CCKBR: variants seen among roughly 807,000 people sequenced by gnomAD.
The protein encoded by CCKBR is gastrin/cholecystokinin type B receptor.
In CCKBR, 33 loss-of-function variants were observed where a neutral mutation model predicts 34.6. The ratio of observed to expected loss-of-function variants is 0.95; its 90% CI spans 0.72 to 1.27. CCKBR has a LOEUF of 1.27. Ranked by LOEUF, CCKBR falls within the 50% of genes most tolerant of loss-of-function variation. CCKBR has a pLI of 0.00. For synonymous variants in CCKBR, 269 were observed against 267.5 expected (o/e 1.01, Z -0.06); for missense variants, 652 against 617.4 (o/e 1.06, Z -0.59).
intron 1 of CCKBR, 144 bp from the exon 2 acceptor site, chr11:6,269,525 A>G: frequency 1.1e-6 from 1 of 947,174 alleles, no homozygotes; most frequent in Non-Finnish European, 1.6e-6. Flanking sequence ...TAAAGGATTC[A>G]AGTTCACCAT....
chr11:6,265,496 G>T (rs1848196974), intron 1 of CCKBR, among the ~76,000 whole-genome samples: 1 of 146,100 alleles, frequency 6.8e-6, no homozygotes, highest in Non-Finnish European at 1.5e-5. Context: ...GTTGAAGAAA[G>T]ACATCCAGGG....
chr11:6,261,393 GTC>G (rs1396635014), intron 1 of CCKBR, among the ~76,000 whole-genome samples: 1 of 124,030 alleles, frequency 8.1e-6, no homozygotes, highest in Non-Finnish European at 1.6e-5. Context: ...GAGCTACAAA[GTC>G]AAAAAAATTA....
intron 1 of CCKBR, among the ~76,000 whole-genome samples, chr11:6,261,718 C>A (rs1202645191): frequency 1.3e-5 from 2 of 152,034 alleles, no homozygotes; most frequent in Admixed American, 6.6e-5. Context: ...TAGGCCTGAC[C>A]ATGGAACATG....
At chr11:6,260,138 A>C in intron 1 of CCKBR, 59 bp downstream of exon 1, 1 of 1,298,070 alleles carries the variant, frequency 7.7e-7, no homozygotes, top group Non-Finnish European at 1.0e-6. Context: ...CAGAACACTA[A>C]TAGAGTCCCC....
rs1221788949 is a variant in CCKBR at position 6,270,306 on chromosome 11, C to T, written c.622C>T (p.Arg208Cys). ...VGPRVLQCVHRWPSARVRQTW... is the reference protein window; with the variant it reads ...VGPRVLQCVHCWPSARVRQTW... ...GCCTCGTGTGCTGCAGTGCGTGCATCGCTGGCCCAGTGCGCGGGTCCGCCA... is the reference window on the plus strand; with the variant it reads ...GCCTCGTGTGCTGCAGTGCGTGCATTGCTGGCCCAGTGCGCGGGTCCGCCA... The change falls in exon 3 of 5, where the codon CGC becomes TGC. Residue 208 changes from arginine (R) to cysteine (C), a missense_variant. Arg to Cys is a radical substitution (Grantham distance 180). Coordinates refer to ENST00000334619, the MANE Select transcript of CCKBR (RefSeq NM_176875.4). 6.2e-7 allele frequency: 1 copy of T among 1,613,212 alleles called. No individual in the cohort carries two copies.
chr11:6,269,738 T>C lies in CCKBR; in HGVS notation c.221T>C (p.Leu74Pro), dbSNP rs1848263314. 15 of 1,614,150 alleles carry C rather than the reference T, an allele frequency of 9.3e-6. No homozygotes were observed. The highest frequency in any genetic ancestry group is 1.3e-5 in the Non-Finnish European group (15 of 1,180,014). Reference protein sequence around the residue: ...IFLMSVGGNMLIIVVLGLSRR... With the variant: ...IFLMSVGGNMPIIVVLGLSRR... The stretch of plus-strand genomic sequence containing the variant: ...CTGATGAGCGTTGGAGGAAATATGC[T>C]CATCATCGTGGTCCTGGGACTGAGC... Residue 74 changes from leucine (L) to proline (P), a missense_variant, in exon 2 of 5, where the codon CTC becomes CCC. Coordinates refer to ENST00000334619, the MANE Select transcript of CCKBR (RefSeq NM_176875.4).
At chr11:6,264,189 C>G (rs1848176776) in intron 1 of CCKBR, among the ~76,000 whole-genome samples, 1 of 152,214 alleles carries the variant, frequency 6.6e-6, no homozygotes, top group Admixed American at 6.5e-5. Context: ...CCTACACACC[C>G]TTGCATATTA....
At chr11:6,270,516 C>T in intron 3 of CCKBR, 130 bp from the exon 4 acceptor site, 6 of 1,349,386 alleles carry the variant, frequency 4.4e-6, no homozygotes, top group Non-Finnish European at 6.1e-6. Context: ...CCCTTCCCAG[C>T]GGCACCCCCA....
At chr11:6,260,116 C>T (rs759381236) in intron 1 of CCKBR, 37 bp downstream of exon 1, 1 of 1,524,830 alleles carries the variant, frequency 6.6e-7, no homozygotes, top group Non-Finnish European at 8.8e-7. Context: ...CAAGCTATTT[C>T]TCACTGTACC....
At position 6,270,693 on chromosome 11, in the gene CCKBR, T is replaced by C. The variant is rs202100770; in HGVS notation, c.701T>C (p.Met234Thr). 2.7e-5 allele frequency: 44 copies of C among 1,613,978 alleles called. No homozygotes were observed. In the East Asian group the frequency reaches 4.7e-4, roughly 17 times the overall value. ...TTGTTCTTCATCCCGGGTGTGGTTA[T>C]GGCCGTGGCCTACGGGCTTATCTCT... ...LLLFFIPGVV[M>T]AVAYGLISRE... The change falls in exon 4 of 5, where the codon ATG (methionine) becomes ACG (threonine). Residue 234 changes from methionine (M) to threonine (T), a missense_variant. Transcript: ENST00000334619.
intron 3 of CCKBR, 37 bp from the exon 4 acceptor site, chr11:6,270,609 G>C: frequency 6.4e-7 from 1 of 1,560,406 alleles, no homozygotes; most frequent in Non-Finnish European, 8.7e-7. Context: ...ATTACAGCTG[G>C]ACAGAAACCC....
At chr11:6,264,346 G>A (rs998646616) in intron 1 of CCKBR, 10 of 571,028 alleles carry the variant, frequency 1.8e-5, no homozygotes, top group Non-Finnish European at 2.5e-5. Flanking sequence ...AAACCTGCCA[G>A]TAGAATGCAG....
Position 6,271,435 on chromosome 11 carries a change from T to C in CCKBR, c.1236T>C (p.Pro412=), listed in dbSNP as rs199586552. ...CTTGCGCTCGCTGCTGCCCCCGGCC[T>C]CCACGAGCTCGCCCCAGGGCTCTTC... The part of the protein sequence containing the change: ...LETCARCCPR[P]PRARPRALPD... Residue 412 remains proline, a synonymous_variant, in exon 5 of 5, where the codon CCT becomes CCC. Coordinates refer to ENST00000334619, the MANE Select transcript of CCKBR (RefSeq NM_176875.4). 105 of 1,613,524 alleles carry C rather than the reference T, an allele frequency of 6.5e-5. No homozygotes were observed. Among genetic ancestry groups the C allele is most frequent in the Admixed American group, 8.3e-5 (5 of 60,012 alleles).
rs199692838 is a variant in CCKBR at position 6,270,802 on chromosome 11, A to G, written c.810A>G (p.Pro270=). ...GGGTCCGAAACCAAGGCGGGCTGCC[A>G]GGTGGGGCTGGACCACGTGAGCAAA... The part of the protein sequence containing the change: ...QSRVRNQGGL[P]GAVHQNGRCR... Residue 270 remains proline, a splice_region_variant and synonymous_variant, in exon 4 of 5, where the codon CCA becomes CCG. Transcript: ENST00000334619. The G allele has an allele frequency of 1.2e-5, 19 of 1,614,138 alleles. No individual in the cohort carries two copies. Among genetic ancestry groups the G allele is most frequent in the Non-Finnish European group, 1.4e-5 (17 of 1,180,012 alleles).
In CCKBR at chr11:6,271,220, C is replaced by G. The variant is rs75576436; in HGVS notation, c.1021C>G (p.Leu341Val). 9 of 1,614,066 alleles carry G rather than the reference C, an allele frequency of 5.6e-6. No homozygotes were observed. The highest frequency in any genetic ancestry group is 7.6e-6 in the Non-Finnish European group (9 of 1,179,978). ...GCGAATGTTGCTGGTGATCGTTGTG[C>G]TTTTTTTTCTGTGTTGGTTGCCAGT... ...VVRMLLVIVV[L>V]FFLCWLPVYS... is the part of the protein sequence containing the mutation. Residue 341 changes from leucine to valine, a missense_variant, in exon 5 of 5, where the codon CTT becomes GTT. By Grantham distance (32) the Leu-to-Val change is conservative (BLOSUM62 1). Coordinates refer to ENST00000334619, the MANE Select transcript of CCKBR (RefSeq NM_176875.4).
In CCKBR at chr11:6,269,721, C is replaced by T. The variant is rs370954149; in HGVS notation, c.204C>T (p.Ser68=). 1.2e-6 allele frequency: 2 copies of T among 1,614,024 alleles called. No homozygotes were observed. Among genetic ancestry groups the T allele is most frequent in the Non-Finnish European group, 8.5e-7 (1 of 1,179,974 alleles). Residue 68 remains serine (S), a synonymous_variant, in exon 2 of 5, where the codon AGC becomes AGT. Coordinates refer to ENST00000334619, the MANE Select transcript of CCKBR (RefSeq NM_176875.4). The part of the protein sequence containing the change: ...ITLYAVIFLM[S]VGGNMLIIVV... ...TTTACGCAGTGATCTTCCTGATGAGCGTTGGAGGAAATATGCTCATCATCG... is the reference window on the plus strand; with the variant it reads ...TTTACGCAGTGATCTTCCTGATGAGTGTTGGAGGAAATATGCTCATCATCG...
chr11:6,269,771 T>G lies in CCKBR; in HGVS notation c.254T>G (p.Leu85Arg). 6.2e-7 allele frequency: 1 copy of G among 1,614,194 alleles called. No individual in the cohort carries two copies. The highest frequency in any genetic ancestry group is 8.5e-7 in the Non-Finnish European group (1 of 1,180,032). Residue 85 changes from leucine (L) to arginine (R), a missense_variant, in exon 2 of 5, where the codon CTG becomes CGG. By Grantham distance (102) the Leu-to-Arg change is moderately radical (BLOSUM62 -2). Coordinates refer to ENST00000334619, the MANE Select transcript of CCKBR (RefSeq NM_176875.4). ...IIVVLGLSRR[L>R]RTVTNAFLLS... is the part of the protein sequence containing the mutation. ...GTGGTCCTGGGACTGAGCCGCCGCC[T>G]GAGGACTGTCACCAATGCCTTCCTC... is the stretch of plus-strand genomic sequence containing the variant.
At chr11:6,267,983 T>C (rs1848233362) in intron 1 of CCKBR, among the ~76,000 whole-genome samples, 2 of 152,156 alleles carry the variant, frequency 1.3e-5, no homozygotes, top group South Asian at 4.1e-4. Context: ...TAGCTATGAC[T>C]ATAGGCACGT....
rs201953391 is a variant in CCKBR, at chr11:6,271,228, T to C, written c.1029T>C (p.Phe343=). The change falls in exon 5 of 5, where the codon TTT becomes TTC. Residue 343 remains phenylalanine (F), a synonymous_variant. Coordinates refer to ENST00000334619, the MANE Select transcript of CCKBR (RefSeq NM_176875.4). ...TGCTGGTGATCGTTGTGCTTTTTTT[T>C]CTGTGTTGGTTGCCAGTTTATAGTG... ...RMLLVIVVLF[F]LCWLPVYSAN... 1 of 1,614,230 alleles carries C rather than the reference T, an allele frequency of 6.2e-7. No individual in the cohort carries two copies. The highest frequency in any genetic ancestry group is 1.1e-5 in the South Asian group (1 of 91,086).
Sources: allele counts gnomAD v4.1 joint callset (sites outside exome capture counted in the v4.1 genomes callset), GRCh38; gene constraint gnomAD v4.1.1; transcripts MANE v1.5; gene names NCBI Gene and HGNC (gene_info 2026-07-23, HGNC 2026-07-21).